The following PHKA1 variants were observed in gnomAD, a reference collection of about 807,000 sequenced individuals.
The protein encoded by PHKA1 is phosphorylase kinase regulatory subunit alpha 1.
PHKA1 carries 60 observed loss-of-function variants against 110.2 expected under a neutral mutation model. The ratio of observed to expected loss-of-function variants is 0.54; its 90% CI spans 0.44 to 0.68. The LOEUF (loss-of-function observed/expected upper bound fraction) is 0.68, where lower values mean the gene tolerates loss of function less well. PHKA1 is among the 30% of genes least tolerant of loss of function. The pLI is 0.00. For missense variants in PHKA1, 801 were observed against 942.5 expected, an observed-to-expected ratio of 0.85 and a Z score of 1.97; for synonymous variants, 316 against 333.6, an observed-to-expected ratio of 0.95 and a Z score of 0.58.
At chrX:72,682,337 TG>T (rs1322866650) in intron 5 of PHKA1, among the ~76,000 whole-genome samples, 1 of 67,250 alleles carries the variant, frequency 1.5e-5, no homozygotes, top group Admixed American at 1.6e-4. Context: ...GGGAGGGAGG[TG>T]GGGGGGTCAG....
chrX:72,676,442 C>G (rs1421061667), intron 5 of PHKA1, among the ~76,000 whole-genome samples: 5 of 111,486 alleles, frequency 4.5e-5, no homozygotes, highest in African/African-American at 1.6e-4. Flanking sequence ...AGGTGTTTCT[C>G]AAAATTTTTC....
At chrX:72,712,432 C>A in intron 2 of PHKA1, 1 of 243,699 alleles carries the variant, frequency 4.1e-6, no homozygotes, top group Non-Finnish European at 7.3e-6. Flanking sequence ...TACCTGCTCC[C>A]AAACATTTTC....
intron 2 of PHKA1, among the ~76,000 whole-genome samples, chrX:72,710,065 A>AG (rs1252293574): frequency 1.8e-5 from 2 of 108,251 alleles, no homozygotes; most frequent in African/African-American, 6.7e-5. Context: ...AAAAAAAAAA[A>AG]GCTTCTCAAA....
At chrX:72,650,511 G>T (rs1556298663) in intron 12 of PHKA1, 43 bp from the exon 13 acceptor site, 1 of 1,030,203 alleles carries the variant, frequency 9.7e-7, no homozygotes. Context: ...AGTCTCAAAA[G>T]AGAAACTAAT....
intron 6 of PHKA1, 62 bp from the exon 7 acceptor site, chrX:72,667,535 C>T (rs1405781104): frequency 1.2e-6 from 1 of 843,417 alleles, no homozygotes; most frequent in Non-Finnish European, 1.8e-6. Flanking sequence ...TTTCTTCTCC[C>T]TATATCCCAG....
At chrX:72,672,170 A>G (rs1394352149) in intron 6 of PHKA1, among the ~76,000 whole-genome samples, 1 of 111,760 alleles carries the variant, frequency 8.9e-6, no homozygotes, top group East Asian at 2.8e-4. Context: ...CTGAGTGAAC[A>G]CTGAAGCAGG....
chrX:72,701,120 T>G (rs782402622), intron 3 of PHKA1, among the ~76,000 whole-genome samples: 1 of 112,487 alleles, frequency 8.9e-6, no homozygotes, highest in African/African-American at 3.2e-5. Flanking sequence ...AGAATCTGTT[T>G]TCATTTGTAA....
At chrX:72,707,091 T>A (rs1371192780) in intron 2 of PHKA1, among the ~76,000 whole-genome samples, 4 of 111,652 alleles carry the variant, frequency 3.6e-5, no homozygotes, top group African/African-American at 1.3e-4. Context: ...CTCTTGCCTA[T>A]TCTTTTTGAC....
At chrX:72,690,763 TTTC>T (rs1300905057) in intron 4 of PHKA1, among the ~76,000 whole-genome samples, 2 of 111,938 alleles carry the variant, frequency 1.8e-5, no homozygotes, top group African/African-American at 6.5e-5. Flanking sequence ...TTAAATTTAA[TTTC>T]TTTTTTTGTT....
At chrX:72,608,450 G>A (rs1418052639) in intron 23 of PHKA1, among the ~76,000 whole-genome samples, 5 of 111,771 alleles carry the variant, frequency 4.5e-5, no homozygotes, top group African/African-American at 1.6e-4. Flanking sequence ...TAGGCCGCAT[G>A]CACCCCAAGT....
intron 8 of PHKA1, among the ~76,000 whole-genome samples, chrX:72,664,627 C>T (rs1309291880): frequency 1.8e-5 from 2 of 111,542 alleles, no homozygotes; most frequent in East Asian, 5.6e-4. Flanking sequence ...ACAGAAAATA[C>T]ATTAGCACAT....
At chrX:72,662,930 T>C (rs1390873274) in intron 8 of PHKA1, among the ~76,000 whole-genome samples, 14 of 110,330 alleles carry the variant, frequency 1.3e-4, no homozygotes, top group African/African-American at 4.3e-4. Flanking sequence ...GCTCCATAAA[T>C]TGGAAGAGGT....
rs189087239 is a variant in PHKA1 at position 72,602,448 on chromosome X, G to A, written c.2918-175C>T. 5.4e-5 allele frequency among the ~76,000 whole-genome samples: 6 copies of A among 111,814 alleles called. No homozygotes were observed. In the East Asian group the frequency reaches 1.7e-3, roughly 31 times the overall value. ...CCAACAGCATCAGTACCACCTACAA[G>A]TTTGTTAGTAGAATCTCAGGTCCCA... On this transcript the variant is annotated intron_variant, in intron 26 of 31. Coordinates refer to ENST00000373542, the MANE Select transcript of PHKA1 (RefSeq NM_002637.4).
At chrX:72,595,006 T>TC (rs1350129990) in intron 28 of PHKA1, among the ~76,000 whole-genome samples, 53 of 111,374 alleles carry the variant, frequency 4.8e-4, no homozygotes, top group African/African-American at 1.6e-3. Flanking sequence ...AAAACTACAG[T>TC]CCAATATCCT....
chrX:72,639,603 T>G (rs72630057), intron 14 of PHKA1, among the ~76,000 whole-genome samples: 1 of 111,439 alleles, frequency 9.0e-6, no homozygotes, highest in Non-Finnish European at 1.9e-5. Context: ...GTCAAAGACA[T>G]GTGCATTACA....
At position 72,582,493 on chromosome X, in the gene PHKA1, T is replaced by G; in HGVS notation, c.3403A>C (p.Thr1135Pro). ...QLLVEAILVL[T>P]MLADIEIHSI... is the part of the protein sequence containing the mutation. ...TGAATTTCAATATCTGCCAGCATGG[T>G]GAGGACAAGGATGGCTTCAACCAGC... The change falls in exon 31 of 32, where the codon ACC (threonine) becomes CCC (proline). Residue 1135 changes from threonine to proline, a missense_variant. Physicochemically the swap from Thr to Pro is conservative, Grantham distance 38. Transcript: ENST00000373542. 8.3e-7 allele frequency: 1 copy of G among 1,204,144 alleles called. No individual in the cohort carries two copies.
In PHKA1 at chrX:72,664,300, T is replaced by C. The variant is rs1183194521; in HGVS notation, c.864+1851A>G. Reference sequence around the variant, plus strand: ...GTAGCTATACTTATATCAGATAAAATAGGCTTTAAGTTGAAAGTAAAAAGA... The same window carrying C: ...GTAGCTATACTTATATCAGATAAAACAGGCTTTAAGTTGAAAGTAAAAAGA... On this transcript the variant is annotated intron_variant, in intron 8 of 31. Coordinates refer to ENST00000373542, the MANE Select transcript of PHKA1 (RefSeq NM_002637.4). Among the ~76,000 whole-genome samples, 6 of 110,865 alleles carry C rather than the reference T, an allele frequency of 5.4e-5. No individual in the cohort carries two copies. The Admixed American group carries it at 5.8e-4, about 11-fold the overall frequency.
rs1200846627 is a variant in PHKA1 at position 72,616,121 on chromosome X, T to C, written c.2369+2589A>G. Among the ~76,000 whole-genome samples the C allele has an allele frequency of 7.2e-5, 8 of 111,301 alleles. No homozygotes were observed. In the Admixed American group the frequency reaches 7.6e-4, roughly 11 times the overall value. On this transcript the variant is annotated intron_variant, in intron 21 of 31. Transcript: ENST00000373542. Reference sequence around the variant, plus strand: ...GGCTCACACCTGGAACTCCCAGCACTCTGGGAGGCTGAGGCAGAAGGATGG... The same window carrying C: ...GGCTCACACCTGGAACTCCCAGCACCCTGGGAGGCTGAGGCAGAAGGATGG...
intron 14 of PHKA1, among the ~76,000 whole-genome samples, chrX:72,643,928 A>G (rs1383641258): frequency 1.8e-5 from 2 of 112,002 alleles, no homozygotes; most frequent in African/African-American, 6.5e-5. Context: ...TAAAAAAATA[A>G]GTACTAATTA....
Sources: allele counts gnomAD v4.1 joint callset (sites outside exome capture counted in the v4.1 genomes callset), GRCh38; gene constraint gnomAD v4.1.1; transcripts MANE v1.5; gene names NCBI Gene and HGNC (gene_info 2026-07-23, HGNC 2026-07-21).